SKAP2: variants seen among roughly 807,000 people sequenced by gnomAD.
SKAP2 encodes src kinase associated phosphoprotein 2.
A neutral mutation model predicts 54.9 loss-of-function variants in SKAP2; 28 were observed. The observed-to-expected ratio is 0.51, with a 90% CI of 0.38 to 0.70. The LOEUF (loss-of-function observed/expected upper bound fraction) is 0.70. Among genes scored for constraint, SKAP2 ranks in the 30% least tolerant of loss-of-function variants. SKAP2 has a pLI of 0.00. For synonymous variants in SKAP2, 137 were observed against 134.3 expected (o/e 1.02, Z -0.14); for missense variants, 356 against 424.1 (o/e 0.84, Z 1.41).
At position 26,844,059 on chromosome 7, in the gene SKAP2, T is replaced by C; in HGVS notation, c.278A>G (p.Tyr93Cys). Reference protein sequence around the residue: ...PDTISLASERYDKDDEAPSDG... With the variant: ...PDTISLASERCDKDDEAPSDG... ...AGAGGGGGCTTCATCGTCTTTATCATATCGTTCTGAGGCTAATGAAATAGT... is the reference window on the plus strand; with the variant it reads ...AGAGGGGGCTTCATCGTCTTTATCACATCGTTCTGAGGCTAATGAAATAGT... The change falls in exon 4 of 13, where the codon TAT (tyrosine) becomes TGT (cysteine). Residue 93 changes from tyrosine (Y) to cysteine (C), a missense_variant. Coordinates refer to ENST00000345317, the MANE Select transcript of SKAP2 (RefSeq NM_003930.5). The C allele has an allele frequency of 6.2e-7, 1 of 1,611,828 alleles. No homozygotes were observed. The highest frequency in any genetic ancestry group is 8.5e-7 in the Non-Finnish European group (1 of 1,178,332).
chr7:26,750,870 T>C (rs1405702370), intron 4 of SKAP2, among the ~76,000 whole-genome samples: 2 of 152,206 alleles, frequency 1.3e-5, no homozygotes, highest in African/African-American at 2.4e-5. Flanking sequence ...TTCTTTCCAC[T>C]CAACTATGCT....
chr7:26,826,687 G>A (rs1445896717), intron 4 of SKAP2, among the ~76,000 whole-genome samples: 1 of 151,854 alleles, frequency 6.6e-6, no homozygotes, highest in Non-Finnish European at 1.5e-5. Context: ...TATATTTCTT[G>A]TAATAGTGAT....
intron 4 of SKAP2, among the ~76,000 whole-genome samples, chr7:26,802,275 TG>T (rs1200303857): frequency 1.7e-5 from 2 of 117,462 alleles, no homozygotes; most frequent in Admixed American, 1.0e-4. Flanking sequence ...TTTTTTTTTT[TG>T]GTTTTTTTTT....
At chr7:26,695,784 T>C (rs1199963457) in intron 9 of SKAP2, among the ~76,000 whole-genome samples, 1 of 152,206 alleles carries the variant, frequency 6.6e-6, no homozygotes, top group Non-Finnish European at 1.5e-5. Flanking sequence ...CCTCTCCCAG[T>C]TCCCCTTCCT....
intron 1 of SKAP2, among the ~76,000 whole-genome samples, chr7:26,861,330 G>C (rs1785267118): frequency 6.6e-6 from 1 of 152,144 alleles, no homozygotes; most frequent in South Asian, 2.1e-4. Flanking sequence ...ATTTGGGATT[G>C]TCCTTTGATT....
At chr7:26,797,311 G>A (rs1019985493) in intron 4 of SKAP2, among the ~76,000 whole-genome samples, 4 of 152,216 alleles carry the variant, frequency 2.6e-5, no homozygotes, top group Admixed American at 1.3e-4. Flanking sequence ...TGGCCGCCAC[G>A]GGGGTGCCTG....
chr7:26,758,095 G>A (rs1321637024), intron 4 of SKAP2, among the ~76,000 whole-genome samples: 1 of 152,040 alleles, frequency 6.6e-6, no homozygotes, highest in Non-Finnish European at 1.5e-5. Context: ...AGAAATATCT[G>A]GTTCCATGTT....
chr7:26,677,501 G>A (rs891207352), intron 11 of SKAP2, among the ~76,000 whole-genome samples: 8 of 151,310 alleles, frequency 5.3e-5, no homozygotes, highest in African/African-American at 1.9e-4. Context: ...TAGCACAGCC[G>A]TTCTTCTAGG....
intron 6 of SKAP2, among the ~76,000 whole-genome samples, chr7:26,729,118 A>T (rs1328388967): frequency 1.3e-5 from 2 of 152,176 alleles, no homozygotes; most frequent in Non-Finnish European, 2.9e-5. Context: ...AAAATTAGGC[A>T]ACCCCAACTC....
chr7:26,703,465 T>C lies in SKAP2; in HGVS notation c.797-13103A>G, dbSNP rs1038463658. The stretch of plus-strand genomic sequence containing the variant: ...AGTAAAATTAATTATATAATGGAAT[T>C]AGCAAAACAGGAGTTAATCCCATAT... On this transcript the variant is annotated intron_variant, in intron 9 of 12. Transcript: ENST00000345317. 2.6e-5 allele frequency among the ~76,000 whole-genome samples: 4 copies of C among 152,170 alleles called. No homozygotes were observed. In the East Asian group the frequency reaches 7.7e-4, roughly 29 times the overall value.
intron 11 of SKAP2, among the ~76,000 whole-genome samples, chr7:26,675,021 C>G (rs1359963630): frequency 6.6e-6 from 1 of 152,120 alleles, no homozygotes; most frequent in Non-Finnish European, 1.5e-5. Context: ...CTACATGACT[C>G]TATTAACTGT....
chr7:26,783,162 C>G (rs945298936), intron 4 of SKAP2, among the ~76,000 whole-genome samples: 11 of 152,058 alleles, frequency 7.2e-5, no homozygotes, highest in African/African-American at 2.7e-4. Context: ...TTTGCATTAC[C>G]CTGGTGGAAT....
intron 4 of SKAP2, among the ~76,000 whole-genome samples, chr7:26,814,211 A>G (rs3823936): frequency 0.21 from 32,298 of 152,196 alleles, 3,510 homozygotes; most frequent in Non-Finnish European, 0.24. Context: ...TTCTTAGCTC[A>G]TTATTAAAAT....
In SKAP2 at chr7:26,738,854, C is replaced by T; in HGVS notation, c.410G>A (p.Trp137Ter). The T allele has an allele frequency of 6.2e-7, 1 of 1,606,306 alleles. No individual in the cohort carries two copies. ...ACTGAGAGCACACCACCGTTTCTGC[C>T]ATTCAAATCCCAGAAAGCTGTGATC... ...RKDHSFLGFE[W>*]QKRWCALSKT... Residue 137 changes from tryptophan to a stop codon, truncating the protein, a stop_gained, in exon 6 of 13, where the codon TGG becomes TAG. Transcript: ENST00000345317. LOFTEE classifies it high-confidence loss of function.
At chr7:26,696,217 C>T (rs1170738250) in intron 9 of SKAP2, among the ~76,000 whole-genome samples, 1 of 152,082 alleles carries the variant, frequency 6.6e-6, no homozygotes, top group Non-Finnish European at 1.5e-5. Flanking sequence ...TATTATTTTA[C>T]AGCAATAAAA....
chr7:26,713,773 G>A (rs1170508324), intron 9 of SKAP2, among the ~76,000 whole-genome samples: 1 of 151,924 alleles, frequency 6.6e-6, no homozygotes, highest in East Asian at 1.9e-4. Context: ...CTCATTTTTT[G>A]TATTTTTAGT....
At chr7:26,658,755 C>T in the SKAP2 span, among the ~76,000 whole-genome samples, 116 of 152,168 alleles carry the variant, frequency 7.6e-4, no homozygotes, top group Non-Finnish European at 1.5e-3. Context: ...CATTAGGAAA[C>T]AACAGCTAGC....
At chr7:26,861,813 A>C (rs1785278157) in intron 1 of SKAP2, among the ~76,000 whole-genome samples, 1 of 151,966 alleles carries the variant, frequency 6.6e-6, no homozygotes, top group African/African-American at 2.4e-5. Context: ...CAAACAGTAC[A>C]TATGACATAT....
downstream of SKAP2, among the ~76,000 whole-genome samples, chr7:26,662,412 C>G (rs1786027728): frequency 6.6e-6 from 1 of 152,016 alleles, no homozygotes; most frequent in Non-Finnish European, 1.5e-5. Context: ...AATCAGAGAA[C>G]CTTTTATGTC....
Sources: allele counts gnomAD v4.1 joint callset (sites outside exome capture counted in the v4.1 genomes callset), GRCh38; gene constraint gnomAD v4.1.1; transcripts MANE v1.5; gene names NCBI Gene and HGNC (gene_info 2026-07-23, HGNC 2026-07-21).